The following DOCK10 variants were observed in gnomAD, a reference collection of about 807,000 sequenced individuals.
DOCK10 encodes the protein dedicator of cytokinesis 10, also known as dedicator of cytokinesis protein 10.
DOCK10 carries 145 observed loss-of-function variants against 280.1 expected under a neutral mutation model. The observed-to-expected ratio is 0.52, with a 90% CI of 0.45 to 0.59. The LOEUF (loss-of-function observed/expected upper bound fraction) is 0.59. Among genes scored for constraint, DOCK10 ranks in the 20% least tolerant of loss-of-function variants. The pLI, the probability that DOCK10 is intolerant of heterozygous loss-of-function variation, is 0.00. For missense variants in DOCK10, 2,368 were observed against 2,651.7 expected, an observed-to-expected ratio of 0.89 and a Z score of 2.35; for synonymous variants, 915 against 942.2, an observed-to-expected ratio of 0.97 and a Z score of 0.53.
chr2:224,901,085 T>C (rs536779754), intron 3 of DOCK10, among the ~76,000 whole-genome samples: 2 of 152,332 alleles, frequency 1.3e-5, no homozygotes, highest in East Asian at 1.9e-4. Flanking sequence ...TTCTCCTACA[T>C]AGTTATGGCA....
chr2:224,968,238 G>A (rs543087348), intron 1 of DOCK10, among the ~76,000 whole-genome samples: 1 of 152,290 alleles, frequency 6.6e-6, no homozygotes, highest in East Asian at 1.9e-4. Context: ...TTTGCTGACC[G>A]AAATAATTCC....
At chr2:224,953,822 T>C (rs1306027357) in intron 1 of DOCK10, among the ~76,000 whole-genome samples, 1 of 152,198 alleles carries the variant, frequency 6.6e-6, no homozygotes, top group Non-Finnish European at 1.5e-5. Context: ...TAGAAATTTC[T>C]TGGAAAATAA....
intron 3 of DOCK10, among the ~76,000 whole-genome samples, chr2:224,904,411 T>C (rs1700471031): frequency 6.6e-6 from 1 of 152,198 alleles, no homozygotes; most frequent in African/African-American, 2.4e-5. Context: ...TAAGAAAGAA[T>C]GTAACCTTTT....
At position 224,845,622 on chromosome 2, in the gene DOCK10, T is replaced by C; in HGVS notation, c.2256A>G (p.Thr752=). ...AAATATGGTGTTTCTCATGGAGTTG[T>C]GTTGGTAGCTCAATTTTCACCTGCA... ...FSDEVKIELP[T]QLHEKHHILF... is the part of the protein sequence containing the mutation. The change falls in exon 20 of 56, where the codon ACA becomes ACG. Residue 752 remains threonine (T), a synonymous_variant. Transcript: ENST00000258390. The C allele has an allele frequency of 6.2e-7, 1 of 1,611,210 alleles. No individual in the cohort carries two copies. The highest frequency in any genetic ancestry group is 8.5e-7 in the Non-Finnish European group (1 of 1,179,026).
At chr2:225,035,547 TA>T (rs1690205974) in intron 1 of DOCK10, among the ~76,000 whole-genome samples, 1 of 14,328 alleles carries the variant, frequency 7.0e-5, no homozygotes, top group Non-Finnish European at 1.4e-4. Context: ...ATATATTATA[TA>T]TATATATATA....
At chr2:224,928,689 TGGAGG>T (rs1702166540) in intron 2 of DOCK10, among the ~76,000 whole-genome samples, 1 of 152,272 alleles carries the variant, frequency 6.6e-6, no homozygotes, top group South Asian at 2.1e-4. Flanking sequence ...TTTAGCCATT[TGGAGG>T]ATGTGACATT....
intron 1 of DOCK10, among the ~76,000 whole-genome samples, chr2:225,014,081 A>ATATTTTTTTTT (rs776104946): frequency 1.0e-5 from 1 of 96,800 alleles, no homozygotes. Flanking sequence ...GTCTGAATAT[A>ATATTTTTTTTT]TTGTTTTTTT....
rs1321847904 is a variant in DOCK10 at position 224,830,534 on chromosome 2, T to G, written c.3036+7A>C. On this transcript the variant is annotated splice_region_variant and intron_variant, in intron 27 of 55. Transcript: ENST00000258390. ...ATATTATAATATTATATTACTTATG[T>G]TCTTACCTGGATTTTATTTGTGTCA... is the stretch of plus-strand genomic sequence containing the variant. 7.1e-7 allele frequency: 1 copy of G among 1,403,590 alleles called. No individual in the cohort carries two copies. Among genetic ancestry groups the G allele is most frequent in the Admixed American group, 2.1e-5 (1 of 48,316 alleles). The allele number at this position is 1,403,590 out of a possible 1,614,324, so 86.9% of individuals were successfully genotyped here.
chr2:224,779,456 T>C (rs889263838), intron 50 of DOCK10, among the ~76,000 whole-genome samples: 3 of 152,150 alleles, frequency 2.0e-5, no homozygotes, highest in Non-Finnish European at 4.4e-5. Context: ...CCTCAGATGA[T>C]CCACCCACCT....
At chr2:224,856,796 A>T in intron 15 of DOCK10, 64 bp downstream of exon 15, 1 of 1,449,876 alleles carries the variant, frequency 6.9e-7, no homozygotes, top group Non-Finnish European at 9.3e-7. Context: ...TCAGGTATTT[A>T]TGAAGTGATA....
Position 224,770,205 on chromosome 2 carries a change from G to T in DOCK10, c.6444+6C>A. Reference sequence around the variant, plus strand: ...TGATAGCGCGTGTGCACCAAGGAGCGCTCACCTGCTCATTCATGACTGTGG... The same window carrying T: ...TGATAGCGCGTGTGCACCAAGGAGCTCTCACCTGCTCATTCATGACTGTGG... On this transcript the variant is annotated splice_donor_region_variant and intron_variant, in intron 55 of 55. Coordinates refer to ENST00000258390, the MANE Select transcript of DOCK10 (RefSeq NM_014689.3). The surrounding 1 kb of genome is among the most constrained non-coding windows in gnomAD (Gnocchi z 4.5). 6.4e-7 allele frequency: 1 copy of T among 1,554,562 alleles called. No individual in the cohort carries two copies. Among genetic ancestry groups the T allele is most frequent in the South Asian group, 1.2e-5 (1 of 81,010 alleles).
intron 1 of DOCK10, among the ~76,000 whole-genome samples, chr2:225,010,790 T>C (rs77582738): frequency 0.019 from 2,857 of 151,778 alleles, 68 homozygotes; most frequent in African/African-American, 0.063. Context: ...TAATGCAGAA[T>C]GAGAAACAAG....
At chr2:224,849,664 G>C (rs2125526828) in intron 18 of DOCK10, 65 bp from the exon 19 acceptor site, 3 of 1,185,572 alleles carry the variant, frequency 2.5e-6, no homozygotes, top group African/African-American at 3.0e-5. Flanking sequence ...TGAAAAAAAA[G>C]TCCATAACTC....
At chr2:224,768,775 A>G (rs549703463) in intron 55 of DOCK10, 2 of 367,040 alleles carry the variant, frequency 5.4e-6, no homozygotes, top group African/African-American at 4.3e-5. Flanking sequence ...AGCACTAGCT[A>G]CTAGGGAGGT....
rs1706215748 is a variant in DOCK10 at position 224,994,567 on chromosome 2, CT to C, written c.123+47684del. On this transcript the variant is annotated intron_variant, in intron 1 of 55. Transcript: ENST00000258390. The stretch of plus-strand genomic sequence containing the variant: ...AACATTGTCACAACAAAGATTGCTT[CT>C]TTCTAGCAGCTTCTATCTTAGTATG... Among the ~76,000 whole-genome samples, 7 of 152,322 alleles carry C rather than the reference CT, an allele frequency of 4.6e-5. No individual in the cohort carries two copies. The South Asian group carries it at 1.5e-3, about 32-fold the overall frequency.
chr2:224,886,656 A>C (rs1699302728), intron 4 of DOCK10, 125 bp from the exon 5 acceptor site: 1 of 720,114 alleles, frequency 1.4e-6, no homozygotes, highest in Admixed American at 2.8e-5. Context: ...AAAATAATGT[A>C]ATCTTTTGAG....
intron 4 of DOCK10, among the ~76,000 whole-genome samples, chr2:224,892,339 C>T (rs1699723561): frequency 8.3e-6 from 1 of 119,884 alleles, no homozygotes; most frequent in Non-Finnish European, 1.6e-5. Context: ...GTGGAGGTTG[C>T]GGTGAGCTGA....
In DOCK10 at chr2:225,042,288, G is replaced by A. The variant is rs1457209750; in HGVS notation, c.87C>T (p.Ala29=). The A allele has an allele frequency of 4.5e-6, 6 of 1,342,072 alleles. No individual in the cohort carries two copies. The South Asian group carries it at 7.6e-5, about 17-fold the overall frequency. 83.1% of individuals were successfully genotyped at this position (1,342,072 alleles called of 1,614,324 possible). Residue 29 remains alanine, a synonymous_variant, in exon 1 of 56, where the codon GCC becomes GCT. Transcript: ENST00000258390. The surrounding 1 kb of genome is among the most constrained non-coding windows in gnomAD (Gnocchi z 5.1). ...AAELRHSAAS[A]AAVAVSSRQQ... is the part of the protein sequence containing the mutation. ...GCCGGCTGCTGACTGCCACCGCGGCGGCGGACGCGGCGCTGTGCCGGAGCT... is the reference window on the plus strand; with the variant it reads ...GCCGGCTGCTGACTGCCACCGCGGCAGCGGACGCGGCGCTGTGCCGGAGCT...
chr2:224,963,468 C>A (rs1704560525), intron 1 of DOCK10, among the ~76,000 whole-genome samples: 2 of 152,318 alleles, frequency 1.3e-5, no homozygotes, highest in Admixed American at 1.3e-4. Context: ...ATGCCCTCTC[C>A]TTAAATGTAC....
Sources: gnomAD v4.1 joint callset for allele counts (sites outside exome capture counted in the v4.1 genomes callset) on GRCh38, gnomAD v4.1.1 for gene constraint, Gnocchi (gnomAD v3.1) non-coding constraint, MANE v1.5 for transcripts, NCBI Gene and HGNC (gene_info 2026-07-23, HGNC 2026-07-21) for gene names.